The following MYO5B variants were observed in gnomAD, a reference collection of about 807,000 sequenced individuals.
MYO5B encodes myosin VB.
Under a neutral mutation model 229.3 loss-of-function variants are expected in MYO5B, and 143 were observed. The ratio of observed to expected loss-of-function variants is 0.62; its 90% CI spans 0.54 to 0.72. The LOEUF is 0.72. Ranked by LOEUF, MYO5B falls within the 30% of genes least tolerant of loss-of-function variation. The probability of loss-of-function intolerance (pLI) is 0.00; values close to 1 mark genes in which losing one functional copy is unlikely to be tolerated. For missense variants in MYO5B, 2,321 were observed against 2,331.0 expected (o/e 1.00, Z 0.09); for synonymous variants, 918 against 885.2 (o/e 1.04, Z -0.66).
intron 1 of MYO5B, among the ~76,000 whole-genome samples, chr18:50,176,486 G>C (rs1048090487): frequency 6.6e-6 from 1 of 152,174 alleles, no homozygotes; most frequent in African/African-American, 2.4e-5. Context: ...CCATGAGCCA[G>C]ATGTACCCAA....
chr18:49,888,520 C>T (rs570949068), intron 22 of MYO5B, among the ~76,000 whole-genome samples: 36 of 152,090 alleles, frequency 2.4e-4, no homozygotes, highest in South Asian at 1.7e-3. Flanking sequence ...AGGAAGGGCA[C>T]GGGTTTGGGA....
At chr18:49,981,085 T>C (rs1376374602) in intron 8 of MYO5B, among the ~76,000 whole-genome samples, 1 of 152,244 alleles carries the variant, frequency 6.6e-6, no homozygotes, top group African/African-American at 2.4e-5. Flanking sequence ...GGAGCAGCTG[T>C]TCGCCACACT....
chr18:50,002,002 C>G (rs1274647129), intron 4 of MYO5B, among the ~76,000 whole-genome samples: 3 of 144,382 alleles, frequency 2.1e-5, no homozygotes, highest in African/African-American at 7.7e-5. Context: ...TGCCACTGCA[C>G]TCCAGCGTGG....
chr18:49,977,675 C>T (rs544155070), intron 9 of MYO5B, among the ~76,000 whole-genome samples: 79 of 152,306 alleles, frequency 5.2e-4, no homozygotes, highest in African/African-American at 1.6e-3. Context: ...CCCTGTCCCA[C>T]CTTTGCCATT....
At chr18:50,125,733 T>C (rs1447791147) in intron 1 of MYO5B, among the ~76,000 whole-genome samples, 1 of 152,134 alleles carries the variant, frequency 6.6e-6, no homozygotes, top group African/African-American at 2.4e-5. Context: ...GACACATTCA[T>C]CACAATAGAC....
Position 49,984,769 on chromosome 18 carries a change from C to T in MYO5B, c.895G>A (p.Val299Met), listed in dbSNP as rs369217445. The change falls in exon 8 of 40, where the codon GTG (valine) becomes ATG (methionine). Residue 299 changes from valine (V) to methionine (M), a missense_variant. By Grantham distance (21) the Val-to-Met change is conservative (BLOSUM62 1). This residue lies in a region of MYO5B where 2,113 missense variants were observed against 2,044.7 expected (regional missense o/e 1.03). Coordinates refer to ENST00000285039, the MANE Select transcript of MYO5B (RefSeq NM_001080467.3). ...SQGGDTSIEG[V>M]DDAEDFEKTR... Reference sequence around the variant, plus strand: ...TTCTCAAAGTCCTCAGCATCGTCCACACCCTCGATGGAAGTGTCTCCTCCC... The same window carrying T: ...TTCTCAAAGTCCTCAGCATCGTCCATACCCTCGATGGAAGTGTCTCCTCCC... 3.7e-6 allele frequency: 6 copies of T among 1,613,916 alleles called. No individual in the cohort carries two copies. In the African/African-American group the frequency reaches 5.3e-5, roughly 14 times the overall value.
chr18:50,117,498 A>G (rs997400971), intron 1 of MYO5B, among the ~76,000 whole-genome samples: 3 of 152,144 alleles, frequency 2.0e-5, no homozygotes, highest in Non-Finnish European at 2.9e-5. Flanking sequence ...ATCTTTCTAT[A>G]TACCATATCA....
In MYO5B at chr18:50,036,940, T is replaced by A; in HGVS notation, c.365A>T (p.Asp122Val). The A allele has an allele frequency of 1.2e-6, 2 of 1,614,106 alleles. No individual in the cohort carries two copies. Among genetic ancestry groups the A allele is most frequent in the Non-Finnish European group, 1.7e-6 (2 of 1,179,990 alleles). ...TTGGCCACTGTAGGTATAGATGACA[T>A]CTTGTCCATAGATTGGCAACTGTTC... is the stretch of plus-strand genomic sequence containing the variant. ...PYEQLPIYGQ[D>V]VIYTYSGQNM... Residue 122 changes from aspartate (D) to valine (V), a missense_variant, in exon 4 of 40, where the codon GAT (aspartate) becomes GTT (valine). Physicochemically the swap from Asp to Val is radical, Grantham distance 152. Transcript: ENST00000285039.
chr18:49,901,722 T>G (rs534127860), intron 21 of MYO5B, among the ~76,000 whole-genome samples: 1 of 152,280 alleles, frequency 6.6e-6, no homozygotes, highest in Admixed American at 6.5e-5. Flanking sequence ...GACAGACAGA[T>G]AGGCAGACAG....
At chr18:50,024,390 T>G (rs1222746364) in intron 4 of MYO5B, among the ~76,000 whole-genome samples, 3 of 152,176 alleles carry the variant, frequency 2.0e-5, no homozygotes, top group Non-Finnish European at 2.9e-5. Flanking sequence ...CCTCTCTCCT[T>G]CTCTCTGCTA....
intron 4 of MYO5B, among the ~76,000 whole-genome samples, chr18:50,010,561 T>C (rs1040610188): frequency 6.6e-6 from 1 of 152,250 alleles, no homozygotes; most frequent in Non-Finnish European, 1.5e-5. Context: ...CCAGGTTATA[T>C]GGGAGCTGTA....
chr18:50,005,656 A>G (rs2026093518), intron 4 of MYO5B, among the ~76,000 whole-genome samples: 1 of 152,150 alleles, frequency 6.6e-6, no homozygotes, highest in Non-Finnish European at 1.5e-5. Flanking sequence ...AGCTCAAGCA[A>G]TCTGCCCACC....
At chr18:50,152,701 A>G (rs2032618071) in intron 1 of MYO5B, among the ~76,000 whole-genome samples, 1 of 152,168 alleles carries the variant, frequency 6.6e-6, no homozygotes, top group Non-Finnish European at 1.5e-5. Context: ...AATGTACTTT[A>G]TTATGACTTT....
intron 2 of MYO5B, among the ~76,000 whole-genome samples, chr18:50,053,398 G>A (rs2030455979): frequency 6.6e-6 from 1 of 152,146 alleles, no homozygotes; most frequent in East Asian, 1.9e-4. Context: ...TAGCAACATG[G>A]CAGATCATTC....
intron 31 of MYO5B, among the ~76,000 whole-genome samples, chr18:49,852,006 CCTT>C (rs1330233014): frequency 2.0e-5 from 3 of 152,106 alleles, no homozygotes; most frequent in East Asian, 1.9e-4. Context: ...TCCTCCTCCT[CCTT>C]GCCCGGCCAG....
chr18:50,082,978 CA>C (rs1302176991), intron 1 of MYO5B, among the ~76,000 whole-genome samples: 2 of 152,214 alleles, frequency 1.3e-5, no homozygotes, highest in African/African-American at 4.8e-5. Context: ...CCCAGTTCCA[CA>C]AGATCATACC....
At chr18:50,013,114 G>A (rs747584424) in intron 4 of MYO5B, among the ~76,000 whole-genome samples, 2 of 152,200 alleles carry the variant, frequency 1.3e-5, no homozygotes, top group African/African-American at 4.8e-5. Context: ...CCATAAGGTT[G>A]CTAAACACAT....
intron 1 of MYO5B, among the ~76,000 whole-genome samples, chr18:50,194,139 G>A (rs1049729751): frequency 6.6e-6 from 1 of 152,184 alleles, no homozygotes; most frequent in Non-Finnish European, 1.5e-5. Context: ...TGGGGTCTCC[G>A]GAGATAACGG....
chr18:50,117,356 C>T (rs894844235), intron 1 of MYO5B, among the ~76,000 whole-genome samples: 2 of 152,156 alleles, frequency 1.3e-5, no homozygotes, highest in African/African-American at 4.8e-5. Flanking sequence ...ACCCAACATT[C>T]CACACCTTTG....
Sources: allele counts gnomAD v4.1 joint callset (sites outside exome capture counted in the v4.1 genomes callset), GRCh38; gene constraint gnomAD v4.1.1; regional missense constraint gnomAD v4.1.1; transcripts MANE v1.5; gene names NCBI Gene and HGNC (gene_info 2026-07-23, HGNC 2026-07-21).